GALNTL6: variants seen among roughly 807,000 people sequenced by gnomAD.
GALNTL6 encodes polypeptide N-acetylgalactosaminyltransferase-like 6.
A neutral mutation model predicts 73.7 loss-of-function variants in GALNTL6; 46 were observed. The observed-to-expected ratio is 0.62, with a 90% confidence interval of 0.49 to 0.80. The LOEUF (loss-of-function observed/expected upper bound fraction) is 0.80, where lower values mean the gene tolerates loss of function less well. Among genes scored for constraint, GALNTL6 ranks in the 30% least tolerant of loss-of-function variants. GALNTL6 has a pLI of 0.00. For missense variants in GALNTL6, 604 were observed against 755.0 expected (o/e 0.80, Z 2.34); for synonymous variants, 259 against 263.7 (o/e 0.98, Z 0.17).
chr4:172,351,709 G>A (rs1211558522), intron 5 of GALNTL6, among the ~76,000 whole-genome samples: 2 of 152,118 alleles, frequency 1.3e-5, no homozygotes, highest in Admixed American at 1.3e-4. Context: ...ATCAGATTAA[G>A]TAGGATAGAT....
At chr4:172,132,399 A>G (rs1733522390) in intron 2 of GALNTL6, among the ~76,000 whole-genome samples, 1 of 152,164 alleles carries the variant, frequency 6.6e-6, no homozygotes, top group South Asian at 2.1e-4. Flanking sequence ...TCACCAAAAA[A>G]TCATCTTTTC....
intron 2 of GALNTL6, among the ~76,000 whole-genome samples, chr4:172,156,645 C>T (rs888077816): frequency 2.7e-5 from 4 of 147,496 alleles, no homozygotes; most frequent in Non-Finnish European, 4.5e-5. Flanking sequence ...AACTGTGAAA[C>T]GACATGGAAA....
chr4:172,078,069 T>G (rs534915883), intron 2 of GALNTL6, among the ~76,000 whole-genome samples: 46 of 152,158 alleles, frequency 3.0e-4, no homozygotes, highest in African/African-American at 1.1e-3. Flanking sequence ...AAGGCCAGAG[T>G]TGAGGTTTGA....
In GALNTL6 at chr4:172,423,930, T is replaced by C. The variant is rs960599527; in HGVS notation, c.553+75241T>C. Among the ~76,000 whole-genome samples, 5 of 152,120 alleles carry C rather than the reference T, an allele frequency of 3.3e-5. No homozygotes were observed. In the South Asian group the frequency reaches 1.0e-3, roughly 31 times the overall value. ...GATACTCTATATCCGTATCTTGATA[T>C]AGAGCATTGAAGCATTGAAGGCAAG... is the stretch of plus-strand genomic sequence containing the variant. On this transcript the variant is annotated intron_variant, in intron 5 of 12. Transcript: ENST00000506823.
intron 5 of GALNTL6, among the ~76,000 whole-genome samples, chr4:172,455,342 A>T (rs1488577180): frequency 6.6e-6 from 1 of 152,150 alleles, no homozygotes; most frequent in Non-Finnish European, 1.5e-5. Context: ...TGGCGCCTGG[A>T]ACACCAGCGA....
At chr4:171,947,018 A>C (rs1053813250) in intron 2 of GALNTL6, among the ~76,000 whole-genome samples, 4 of 152,216 alleles carry the variant, frequency 2.6e-5, no homozygotes, top group African/African-American at 7.2e-5. Context: ...ATGTCGGGAG[A>C]TGAAAAAGTG....
At chr4:171,912,189 TC>T (rs1737493694) in intron 2 of GALNTL6, among the ~76,000 whole-genome samples, 1 of 152,178 alleles carries the variant, frequency 6.6e-6, no homozygotes, top group African/African-American at 2.4e-5. Context: ...CTAAAGTAGA[TC>T]CTTTATATTT....
At chr4:172,601,174 A>C (rs192426977) in intron 5 of GALNTL6, among the ~76,000 whole-genome samples, 2 of 152,200 alleles carry the variant, frequency 1.3e-5, no homozygotes, top group Non-Finnish European at 2.9e-5. Context: ...ATAAAAACTC[A>C]CTAGATGAAC....
intron 10 of GALNTL6, among the ~76,000 whole-genome samples, chr4:172,966,399 C>CT (rs561306473): frequency 0.01 from 1,479 of 143,178 alleles, 25 homozygotes; most frequent in African/African-American, 0.028. Context: ...GGGAGTCGAT[C>CT]TTTTTTTTTT....
At chr4:172,898,187 T>C (rs908549024) in intron 8 of GALNTL6, among the ~76,000 whole-genome samples, 32 of 152,214 alleles carry the variant, frequency 2.1e-4, no homozygotes, top group African/African-American at 7.7e-4. Context: ...AATAACAGTG[T>C]ACAGCTCTTC....
chr4:172,920,327 T>C (rs573544632), intron 8 of GALNTL6, among the ~76,000 whole-genome samples: 17 of 152,332 alleles, frequency 1.1e-4, no homozygotes, highest in African/African-American at 4.1e-4. Flanking sequence ...AGGAAAGCAA[T>C]GCTTTGTGGA....
intron 5 of GALNTL6, among the ~76,000 whole-genome samples, chr4:172,489,749 G>A (rs1246318281): frequency 6.6e-6 from 1 of 152,180 alleles, no homozygotes; most frequent in East Asian, 1.9e-4. Context: ...CCAGGAATAT[G>A]TTGGCAGAGA....
chr4:172,614,012 T>C (rs1738624766), intron 5 of GALNTL6, among the ~76,000 whole-genome samples: 1 of 152,162 alleles, frequency 6.6e-6, no homozygotes, highest in African/African-American at 2.4e-5. Flanking sequence ...TATAGTCTTA[T>C]ACTGGGGAAA....
chr4:171,932,427 A>T lies in GALNTL6; in HGVS notation c.138+117709A>T, dbSNP rs537090473. Among the ~76,000 whole-genome samples, 3 of 152,308 alleles carry T rather than the reference A, an allele frequency of 2.0e-5. No homozygotes were observed. In the South Asian group the frequency reaches 6.2e-4, roughly 32 times the overall value. On this transcript the variant is annotated intron_variant, in intron 2 of 12. Coordinates refer to ENST00000506823, the MANE Select transcript of GALNTL6 (RefSeq NM_001034845.3). Reference sequence around the variant, plus strand: ...TAAAAGATTATTGACTCTGTTCGTTATCAACTGTGAACAGCTGCACAGGGA... The same window carrying T: ...TAAAAGATTATTGACTCTGTTCGTTTTCAACTGTGAACAGCTGCACAGGGA...
At chr4:172,182,464 A>T (rs1735278872) in intron 2 of GALNTL6, among the ~76,000 whole-genome samples, 1 of 150,030 alleles carries the variant, frequency 6.7e-6, no homozygotes, top group Non-Finnish European at 1.5e-5. Flanking sequence ...TAAGACTCAG[A>T]TATCTTCTTT....
intron 2 of GALNTL6, among the ~76,000 whole-genome samples, chr4:172,126,984 CCAAA>C (rs1733314430): frequency 6.6e-6 from 1 of 152,188 alleles, no homozygotes; most frequent in African/African-American, 2.4e-5. Context: ...AAGGAAGCCG[CCAAA>C]CATTTTCACA....
At chr4:172,804,966 A>C (rs993375892) in intron 5 of GALNTL6, among the ~76,000 whole-genome samples, 8 of 152,218 alleles carry the variant, frequency 5.3e-5, no homozygotes, top group African/African-American at 1.7e-4. Context: ...ACACCAAAAT[A>C]CCAACCAATG....
intron 3 of GALNTL6, among the ~76,000 whole-genome samples, chr4:172,295,431 A>AG (rs1317388487): frequency 2.0e-5 from 3 of 150,738 alleles, no homozygotes; most frequent in Non-Finnish European, 4.4e-5. Context: ...AAGAAAAAAA[A>AG]AAAGTGCCAC....
intron 5 of GALNTL6, among the ~76,000 whole-genome samples, chr4:172,599,065 G>C (rs1737960768): frequency 6.6e-6 from 1 of 152,118 alleles, no homozygotes; most frequent in African/African-American, 2.4e-5. Context: ...ACATTCCTAG[G>C]CAGATTGACT....
Sources: gnomAD v4.1 joint callset for allele counts (sites outside exome capture counted in the v4.1 genomes callset) on GRCh38, gnomAD v4.1.1 for gene constraint, MANE v1.5 for transcripts, NCBI Gene and HGNC (gene_info 2026-07-23, HGNC 2026-07-21) for gene names.